Variants in LRP1B observed in about 807,000 individuals in gnomAD.
LRP1B encodes the protein LDL receptor related protein 1B.
A neutral mutation model predicts 556.6 loss-of-function variants in LRP1B; 217 were observed. The ratio of observed to expected loss-of-function variants is 0.39; its 90% confidence interval spans 0.35 to 0.44. The LOEUF is 0.44. Ranked by LOEUF, LRP1B falls within the 20% of genes least tolerant of loss-of-function variation. The pLI is 1.00. For missense variants in LRP1B, 5,053 were observed against 5,620.8 expected (o/e 0.90, Z 3.23); for synonymous variants, 2,047 against 1,865.8 (o/e 1.10, Z -2.50).
At chr2:140,472,890 C>T (rs544437204) in intron 60 of LRP1B, among the ~76,000 whole-genome samples, 24 of 151,992 alleles carry the variant, frequency 1.6e-4, no homozygotes, top group Admixed American at 1.1e-3. Flanking sequence ...TATGTCTCAT[C>T]GTTCTGGTTA....
At chr2:141,574,795 T>C (rs1190007316) in intron 2 of LRP1B, among the ~76,000 whole-genome samples, 2 of 152,086 alleles carry the variant, frequency 1.3e-5, no homozygotes, top group African/African-American at 4.8e-5. Context: ...ATCACAAGCA[T>C]TCTTTTACAC....
At chr2:141,077,886 C>T (rs1171448856) in intron 7 of LRP1B, among the ~76,000 whole-genome samples, 1 of 152,006 alleles carries the variant, frequency 6.6e-6, no homozygotes, top group Non-Finnish European at 1.5e-5. Flanking sequence ...TTGGAGACCA[C>T]TTCTCTGCCA....
intron 1 of LRP1B, among the ~76,000 whole-genome samples, chr2:141,966,243 A>T (rs140695632): frequency 0.011 from 1,636 of 152,050 alleles, 29 homozygotes; most frequent in African/African-American, 0.036. Flanking sequence ...GGGAAACTAG[A>T]GAGTCGTTTT....
intron 35 of LRP1B, among the ~76,000 whole-genome samples, chr2:140,734,216 T>C (rs1687872319): frequency 6.6e-6 from 1 of 152,118 alleles, no homozygotes; most frequent in South Asian, 2.1e-4. Flanking sequence ...TTCAGAAAAG[T>C]AAGAAGAAAT....
chr2:140,815,445 T>C (rs1359854572), intron 31 of LRP1B, among the ~76,000 whole-genome samples: 1 of 152,126 alleles, frequency 6.6e-6, no homozygotes, highest in Non-Finnish European at 1.5e-5. Context: ...CTGCTGGAAT[T>C]ATAGGTGTGA....
intron 3 of LRP1B, among the ~76,000 whole-genome samples, chr2:141,333,639 C>A (rs1360761628): frequency 6.6e-6 from 1 of 152,178 alleles, no homozygotes; most frequent in Non-Finnish European, 1.5e-5. Context: ...ATCACCACCT[C>A]CATCTGAAAA....
At chr2:142,031,426 G>A (rs1008178971) in intron 1 of LRP1B, among the ~76,000 whole-genome samples, 3 of 125,692 alleles carry the variant, frequency 2.4e-5, no homozygotes, top group Admixed American at 8.3e-5. Context: ...ATGCTGGTGC[G>A]CTGCACCCAC....
rs559236933 is a variant in LRP1B at position 140,954,936 on chromosome 2, A to G, written c.2888-2996T>C. On this transcript the variant is annotated intron_variant, in intron 18 of 90. Transcript: ENST00000389484. Reference sequence around the variant, plus strand: ...AGGGAAATCACTGAAGAGAGTAATTATTTAAAGAGAGACATGTACAGGAGG... The same window carrying G: ...AGGGAAATCACTGAAGAGAGTAATTGTTTAAAGAGAGACATGTACAGGAGG... 3.9e-5 allele frequency among the ~76,000 whole-genome samples: 6 copies of G among 152,150 alleles called. No homozygotes were observed. The South Asian group carries it at 1.2e-3, about 31-fold the overall frequency.
At chr2:140,338,229 T>C (rs527515681) in intron 77 of LRP1B, among the ~76,000 whole-genome samples, 7 of 151,832 alleles carry the variant, frequency 4.6e-5, no homozygotes, top group African/African-American at 1.7e-4. Flanking sequence ...AATAGACACA[T>C]GCAATTAATT....
intron 41 of LRP1B, among the ~76,000 whole-genome samples, chr2:140,692,070 G>A (rs1017984717): frequency 2.6e-5 from 4 of 151,884 alleles, no homozygotes; most frequent in Admixed American, 2.6e-4. Flanking sequence ...CTAATTTTAG[G>A]CTTACAGAAA....
At chr2:140,707,985 G>T (rs954423849) in intron 37 of LRP1B, among the ~76,000 whole-genome samples, 1 of 151,922 alleles carries the variant, frequency 6.6e-6, no homozygotes, top group Non-Finnish European at 1.5e-5. Flanking sequence ...TTCTTGCACT[G>T]TACTCATGCA....
At chr2:142,057,424 T>G (rs1704716902) in intron 1 of LRP1B, among the ~76,000 whole-genome samples, 1 of 151,824 alleles carries the variant, frequency 6.6e-6, no homozygotes, top group African/African-American at 2.4e-5. Context: ...AAGATGGGGG[T>G]CAGGGTGAGG....
At chr2:141,053,346 T>C (rs1158837257) in intron 10 of LRP1B, among the ~76,000 whole-genome samples, 1 of 151,944 alleles carries the variant, frequency 6.6e-6, no homozygotes, top group Non-Finnish European at 1.5e-5. Flanking sequence ...CTCCATTCTA[T>C]ATCAAGAGGT....
At chr2:140,287,604 A>G (rs1376727883) in intron 84 of LRP1B, among the ~76,000 whole-genome samples, 1 of 150,428 alleles carries the variant, frequency 6.6e-6, no homozygotes, top group East Asian at 2.0e-4. Flanking sequence ...TATTATTACC[A>G]TGGGTTTAGA....
At chr2:142,075,674 A>G (rs1375095675) in intron 1 of LRP1B, among the ~76,000 whole-genome samples, 1 of 152,060 alleles carries the variant, frequency 6.6e-6, no homozygotes, top group South Asian at 2.1e-4. Flanking sequence ...GGAATTCAGG[A>G]AAGTGTTAAA....
At chr2:140,323,295 C>T (rs1043652806) in intron 81 of LRP1B, among the ~76,000 whole-genome samples, 5 of 151,948 alleles carry the variant, frequency 3.3e-5, no homozygotes, top group Non-Finnish European at 5.9e-5. Context: ...AATGACTTAC[C>T]CACTCCTTTC....
At chr2:141,259,770 CCTCAT>C (rs1684617305) in intron 3 of LRP1B, among the ~76,000 whole-genome samples, 2 of 152,148 alleles carry the variant, frequency 1.3e-5, no homozygotes, top group Non-Finnish European at 2.9e-5. Flanking sequence ...ACATGCTTTG[CCTCAT>C]CTCTAAAATG....
At chr2:141,678,327 A>G (rs1690965903) in intron 2 of LRP1B, among the ~76,000 whole-genome samples, 1 of 152,170 alleles carries the variant, frequency 6.6e-6, no homozygotes, top group Non-Finnish European at 1.5e-5. Flanking sequence ...TCAAATAGCC[A>G]TAATATAAGG....
intron 3 of LRP1B, among the ~76,000 whole-genome samples, chr2:141,459,661 G>A (rs1294679491): frequency 2.6e-5 from 4 of 152,168 alleles, no homozygotes; most frequent in East Asian, 1.9e-4. Context: ...TAAGTCTCAC[G>A]AGATCTGATG....
Sources: gnomAD v4.1 joint callset for allele counts (sites outside exome capture counted in the v4.1 genomes callset) on GRCh38, gnomAD v4.1.1 for gene constraint, MANE v1.5 for transcripts, NCBI Gene and HGNC (gene_info 2026-07-23, HGNC 2026-07-21) for gene names.